The following TMEM135 variants were observed in gnomAD, a reference collection of about 807,000 sequenced individuals.
TMEM135 encodes transmembrane protein 135.
TMEM135 carries 30 observed loss-of-function variants against 60.3 expected under a neutral mutation model. The observed-to-expected ratio is 0.50, with a 90% CI of 0.37 to 0.68. TMEM135 has a LOEUF of 0.68. Among genes scored for constraint, TMEM135 ranks in the 30% least tolerant of loss-of-function variants. TMEM135 has a pLI of 0.00. For missense variants in TMEM135, 468 were observed against 548.8 expected (o/e 0.85, Z 1.47); for synonymous variants, 190 against 186.7 (o/e 1.02, Z -0.14).
At chr11:87,178,669 G>A in intron 5 of TMEM135, 2 of 359,424 alleles carry the variant, frequency 5.6e-6, no homozygotes, top group South Asian at 4.2e-5. Flanking sequence ...CAAGTGATCT[G>A]CCTGTCTCGG....
At chr11:87,158,645 T>C (rs1938772554) in intron 5 of TMEM135, among the ~76,000 whole-genome samples, 1 of 149,270 alleles carries the variant, frequency 6.7e-6, no homozygotes, top group South Asian at 2.1e-4. Flanking sequence ...GTATTTTTTT[T>C]ACTACAGACG....
chr11:87,192,736 C>G (rs2135318922), intron 5 of TMEM135, among the ~76,000 whole-genome samples: 1 of 152,216 alleles, frequency 6.6e-6, no homozygotes, highest in South Asian at 2.1e-4. Flanking sequence ...AAGGCTGGTA[C>G]AAATTCATTT....
At chr11:87,075,409 C>T (rs1364894898) in intron 3 of TMEM135, among the ~76,000 whole-genome samples, 1 of 152,176 alleles carries the variant, frequency 6.6e-6, no homozygotes, top group Non-Finnish European at 1.5e-5. Context: ...CCGCCTCAGC[C>T]TCCCAGAGTG....
intron 3 of TMEM135, among the ~76,000 whole-genome samples, chr11:87,082,721 T>G (rs1312061413): frequency 6.6e-6 from 1 of 152,216 alleles, no homozygotes; most frequent in African/African-American, 2.4e-5. Flanking sequence ...AGGAGCCAGT[T>G]GTCAATTGAA....
rs961457771 is a variant in TMEM135 at position 87,313,444 on chromosome 11, G to A, written c.956G>A (p.Arg319His). The A allele has an allele frequency of 3.1e-6, 5 of 1,610,738 alleles. No individual in the cohort carries two copies. Among genetic ancestry groups the A allele is most frequent in the South Asian group, 1.1e-5 (1 of 90,894 alleles). Residue 319 changes from arginine (R) to histidine (H), a missense_variant, in exon 11 of 15, where the codon CGC (arginine) becomes CAC (histidine). Arg to His is a conservative substitution (Grantham distance 29, BLOSUM62 0). Transcript: ENST00000305494. ...AACTAGGGTACTAGTTGCTTCCTGC[G>A]CTGGATCAGAAACTTAGATGATGAA... ...SIYKGTSCFL[R>H]WIRNLDDELH...
intron 5 of TMEM135, among the ~76,000 whole-genome samples, chr11:87,193,541 G>A (rs576385638): frequency 4.7e-4 from 71 of 152,056 alleles, no homozygotes; most frequent in Non-Finnish European, 7.1e-4. Flanking sequence ...GAAAATCACT[G>A]TTTTTGGTGG....
At chr11:87,259,250 G>C (rs1051397188) in intron 6 of TMEM135, 1 of 436,790 alleles carries the variant, frequency 2.3e-6, no homozygotes. Flanking sequence ...GTTCCCCTGC[G>C]ACAGCGGCCA....
chr11:87,079,665 A>G (rs948382361), intron 3 of TMEM135, among the ~76,000 whole-genome samples: 1 of 151,148 alleles, frequency 6.6e-6, no homozygotes, highest in African/African-American at 2.4e-5. Context: ...TTCATCATTA[A>G]GTGTATTGTT....
rs1235232522 is a variant in TMEM135 at position 87,327,479 on chromosome 11, ATCAG to A, written c.*6151_*6154del. On this transcript the variant is annotated 3_prime_UTR_variant, in exon 15 of 15. Transcript: ENST00000305494. The stretch of plus-strand genomic sequence containing the variant: ...AAACCTCTATTTCTTAAAGTTCTGT[ATCAG>A]TCAGGGTTTCCCAGAGAGGCAGAAC... 4 of 453,972 alleles carry A rather than the reference ATCAG, an allele frequency of 8.8e-6. No homozygotes were observed. The highest frequency in any genetic ancestry group is 2.4e-5 in the Admixed American group (1 of 42,550). The allele number at this position is 453,972 out of a possible 1,614,324, so 28.1% of individuals were successfully genotyped here.
At chr11:87,277,732 G>C (rs1184990639) in intron 6 of TMEM135, among the ~76,000 whole-genome samples, 1 of 151,998 alleles carries the variant, frequency 6.6e-6, no homozygotes, top group African/African-American at 2.4e-5. Flanking sequence ...ATATTGGCCA[G>C]GCTGGTCTCG....
At chr11:87,054,304 G>A (rs535363497) in intron 1 of TMEM135, among the ~76,000 whole-genome samples, 4 of 152,082 alleles carry the variant, frequency 2.6e-5, no homozygotes, top group African/African-American at 4.8e-5. Context: ...GCATGGTGGC[G>A]TGTGCCTGTA....
At chr11:87,113,464 G>T (rs998941352) in intron 4 of TMEM135, among the ~76,000 whole-genome samples, 1 of 152,080 alleles carries the variant, frequency 6.6e-6, no homozygotes, top group Non-Finnish European at 1.5e-5. Flanking sequence ...ATATTTTAAA[G>T]ATTTAACTCT....
intron 6 of TMEM135, among the ~76,000 whole-genome samples, chr11:87,258,689 A>G (rs1007288288): frequency 6.6e-6 from 1 of 152,200 alleles, no homozygotes; most frequent in Non-Finnish European, 1.5e-5. Context: ...CACAGTTGCA[A>G]TTAAGTCTCT....
intron 6 of TMEM135, among the ~76,000 whole-genome samples, chr11:87,269,539 C>G (rs1251460474): frequency 6.6e-6 from 1 of 151,372 alleles, no homozygotes; most frequent in African/African-American, 2.4e-5. Flanking sequence ...TGTTCCCCTT[C>G]CTGTGTCCAT....
chr11:87,118,485 G>T (rs1857950322), intron 4 of TMEM135, among the ~76,000 whole-genome samples: 1 of 150,622 alleles, frequency 6.6e-6, no homozygotes, highest in Admixed American at 6.6e-5. Flanking sequence ...GTGTCACACT[G>T]TTGCCCGGGC....
intron 5 of TMEM135, among the ~76,000 whole-genome samples, chr11:87,211,462 T>C (rs1289662480): frequency 6.6e-6 from 1 of 152,064 alleles, no homozygotes; most frequent in African/African-American, 2.4e-5. Flanking sequence ...GGAAAGAACA[T>C]AGAAGGTAAG....
chr11:87,184,077 T>G (rs1376181686), intron 5 of TMEM135, among the ~76,000 whole-genome samples: 1 of 152,136 alleles, frequency 6.6e-6, no homozygotes, highest in Admixed American at 6.6e-5. Flanking sequence ...TTTCAAGTAT[T>G]TTAGAATGTT....
intron 1 of TMEM135, among the ~76,000 whole-genome samples, chr11:87,039,810 A>G (rs1260796517): frequency 1.3e-5 from 2 of 152,256 alleles, no homozygotes; most frequent in Admixed American, 1.3e-4. Flanking sequence ...AGCACTTTTC[A>G]TTCATTAATT....
chr11:87,286,140 GT>G (rs1942160530), intron 6 of TMEM135, among the ~76,000 whole-genome samples: 2 of 151,824 alleles, frequency 1.3e-5, no homozygotes, highest in Non-Finnish European at 2.9e-5. Flanking sequence ...AGACATAAAA[GT>G]TCTCCAAGTC....
Sources: gnomAD v4.1 joint callset for allele counts (sites outside exome capture counted in the v4.1 genomes callset) on GRCh38, gnomAD v4.1.1 for gene constraint, MANE v1.5 for transcripts, NCBI Gene and HGNC (gene_info 2026-07-23, HGNC 2026-07-21) for gene names.